The following QTGAL variants were observed in gnomAD, a reference collection of about 807,000 sequenced individuals.
The protein encoded by QTGAL is BGnT-like protein 1.
At chr17:83,001,155 T>C in the QTGAL span, among the ~76,000 whole-genome samples, 2 of 152,150 alleles carry the variant, frequency 1.3e-5, no homozygotes, top group Non-Finnish European at 2.9e-5. Flanking sequence ...ACAAGACAAA[T>C]GGACAAATCA....
the QTGAL span, among the ~76,000 whole-genome samples, chr17:83,000,965 C>T: frequency 1.3e-5 from 2 of 152,028 alleles, no homozygotes; most frequent in Admixed American, 6.6e-5. Context: ...GGGAGGGCTC[C>T]GGGATGGACA....
the QTGAL span, among the ~76,000 whole-genome samples, chr17:83,001,606 G>A: frequency 6.6e-6 from 1 of 151,436 alleles, no homozygotes; most frequent in Non-Finnish European, 1.5e-5. Flanking sequence ...AGGGGCGGGC[G>A]GGGTGGGGGA....
At chr17:82,954,390 A>G in the QTGAL span, among the ~76,000 whole-genome samples, 2 of 152,100 alleles carry the variant, frequency 1.3e-5, no homozygotes, top group Non-Finnish European at 2.9e-5. Flanking sequence ...AACTCTCACA[A>G]TTGCTACAAA....
At chr17:83,014,517 A>T in the QTGAL span, 1 of 1,614,078 alleles carries the variant, frequency 6.2e-7, no homozygotes, top group Non-Finnish European at 8.5e-7. Flanking sequence ...TCATGACGTC[A>T]TCCTGCAGTA....
chr17:82,968,797 C>T, the QTGAL span, among the ~76,000 whole-genome samples: 1,277 of 151,508 alleles, frequency 8.4e-3, 14 homozygotes, highest in African/African-American at 0.028. Flanking sequence ...GTCGGGAGTT[C>T]GAGACCAGCT....
chr17:83,006,262 C>G, the QTGAL span: 3 of 985,596 alleles, frequency 3.0e-6, no homozygotes, highest in Non-Finnish European at 3.6e-6. The surrounding 1 kb of genome is among the most constrained non-coding windows in gnomAD (Gnocchi z 5.8). Context: ...TCTGAGGCCC[C>G]TGGATCTGTC....
the QTGAL span, among the ~76,000 whole-genome samples, chr17:82,946,628 A>G: frequency 4.2e-5 from 6 of 142,412 alleles, no homozygotes; most frequent in Non-Finnish European, 9.5e-5. Context: ...TCTCTTTAAA[A>G]GAAATAATGA....
At chr17:82,961,043 C>G in the QTGAL span, 1 of 1,603,032 alleles carries the variant, frequency 6.2e-7, no homozygotes, top group Non-Finnish European at 8.5e-7. Flanking sequence ...CGGGGCCGGG[C>G]GGGGCTGACT....
the QTGAL span, among the ~76,000 whole-genome samples, chr17:82,984,583 TAC>T: frequency 9.5e-6 from 1 of 105,750 alleles, no homozygotes; most frequent in African/African-American, 3.6e-5. Flanking sequence ...AGGGAGAGGC[TAC>T]AGGGTCGTGC....
At chr17:82,997,519 C>A in the QTGAL span, among the ~76,000 whole-genome samples, 1 of 152,178 alleles carries the variant, frequency 6.6e-6, no homozygotes, top group Non-Finnish European at 1.5e-5. Flanking sequence ...TATGATCCAG[C>A]AATCCCTCTC....
the QTGAL span, among the ~76,000 whole-genome samples, chr17:82,964,725 G>T: frequency 7.0e-6 from 1 of 142,332 alleles, no homozygotes; most frequent in Admixed American, 6.9e-5. Flanking sequence ...GGGGGACGGG[G>T]ACACGGACGC....
At chr17:83,005,544 T>C in the QTGAL span, 1 of 701,856 alleles carries the variant, frequency 1.4e-6, no homozygotes. The surrounding 1 kb of genome is among the most constrained non-coding windows in gnomAD (Gnocchi z 5.6). Context: ...AAATGGCCCA[T>C]ATGCAAGGTG....
At chr17:83,029,406 T>C in the QTGAL span, among the ~76,000 whole-genome samples, 1 of 152,178 alleles carries the variant, frequency 6.6e-6, no homozygotes, top group Non-Finnish European at 1.5e-5. Flanking sequence ...ATAGTTATTT[T>C]AAAAGGACAG....
the QTGAL span, among the ~76,000 whole-genome samples, chr17:83,033,375 CTGAGGA>C: frequency 6.6e-6 from 1 of 152,094 alleles, no homozygotes; most frequent in Non-Finnish European, 1.5e-5. Flanking sequence ...AAGAAGGAAG[CTGAGGA>C]GTGAAGGACA....
chr17:83,002,134 G>GT, the QTGAL span, among the ~76,000 whole-genome samples: 13 of 151,612 alleles, frequency 8.6e-5, no homozygotes, highest in African/African-American at 2.4e-5. Context: ...AATACAGTAT[G>GT]TAACTGATAA....
chr17:82,950,770 G>A, the QTGAL span, among the ~76,000 whole-genome samples: 1 of 152,208 alleles, frequency 6.6e-6, no homozygotes, highest in South Asian at 2.1e-4. Context: ...GGGTGACCAG[G>A]TGCACCGTCA....
chr17:82,980,317 C>A, the QTGAL span, among the ~76,000 whole-genome samples: 1 of 152,202 alleles, frequency 6.6e-6, no homozygotes, highest in African/African-American at 2.4e-5. Flanking sequence ...TGCTCTCCCA[C>A]CACAATGTGC....
chr17:82,956,320 G>C, the QTGAL span, among the ~76,000 whole-genome samples: 1 of 152,220 alleles, frequency 6.6e-6, no homozygotes, highest in Non-Finnish European at 1.5e-5. This position sits in a 1 kb window ranked among gnomAD's most constrained non-coding sequence, Gnocchi z 5.7. Flanking sequence ...CCCCGATGCA[G>C]CCACCTCAGT....
At chr17:82,987,327 A>C in the QTGAL span, among the ~76,000 whole-genome samples, 1 of 152,370 alleles carries the variant, frequency 6.6e-6, no homozygotes, top group South Asian at 2.1e-4. Flanking sequence ...AATTTTAAAA[A>C]GAAGACTTAT....
Sources: gnomAD v4.1 joint callset for allele counts (sites outside exome capture counted in the v4.1 genomes callset) on GRCh38, gnomAD v4.1.1 for gene constraint, Gnocchi (gnomAD v3.1) non-coding constraint, MANE v1.5 for transcripts, NCBI Gene and HGNC (gene_info 2026-07-23, HGNC 2026-07-21) for gene names.